Variants in ACTR3B observed in about 807,000 individuals in gnomAD.
ACTR3B encodes actin related protein 3B, also known as actin-related protein 3B.
In ACTR3B, 8 loss-of-function variants were observed where a neutral mutation model predicts 59.0. The ratio of observed to expected loss-of-function variants is 0.14; its 90% CI spans 0.08 to 0.24. ACTR3B has a LOEUF of 0.24. Ranked by LOEUF, ACTR3B falls within the 10% of genes least tolerant of loss-of-function variation. The probability of loss-of-function intolerance (pLI) is 1.00; values close to 1 mark genes in which losing one functional copy is unlikely to be tolerated. For synonymous variants in ACTR3B, 148 were observed against 197.9 expected (o/e 0.75, Z 2.12); for missense variants, 245 against 552.3 (o/e 0.44, Z 5.58).
At position 152,759,813 on chromosome 7, in the gene ACTR3B, G is replaced by C. The variant is rs555392108; in HGVS notation, c.-70G>C. ...GGGAGACGCTGCGCGCGGGGCTAGC[G>C]GGCGGCGGAGCGGACGGCGACGGGG... On this transcript the variant is annotated 5_prime_UTR_variant, in exon 1 of 12. Coordinates refer to ENST00000256001, the MANE Select transcript of ACTR3B (RefSeq NM_020445.6). 9.6e-6 allele frequency: 11 copies of C among 1,140,200 alleles called. No homozygotes were observed. The East Asian group carries it at 3.4e-4, about 35-fold the overall frequency. The allele number at this position is 1,140,200 out of a possible 1,614,324, so 70.6% of individuals were successfully genotyped here. A position where few individuals can be genotyped will look rare whatever the true frequency, so the allele number is the denominator to read the frequency against.
chr7:152,836,445 G>GCTGTGGTGGAACGCAC (rs1717684784), intron 9 of ACTR3B, among the ~76,000 whole-genome samples: 1 of 152,060 alleles, frequency 6.6e-6, no homozygotes, highest in African/African-American at 2.4e-5. Context: ...AAATTAGCCA[G>GCTGTGGTGGAACGCAC]CTGTGGTGGA....
intron 9 of ACTR3B, among the ~76,000 whole-genome samples, chr7:152,842,572 C>CT (rs34939441): frequency 0.52 from 79,476 of 151,690 alleles, 22,716 homozygotes; most frequent in East Asian, 0.71. Flanking sequence ...CGCGTGTTCT[C>CT]TGTTTCCGGC....
At chr7:152,848,814 C>T (rs998003074) in intron 9 of ACTR3B, among the ~76,000 whole-genome samples, 8 of 152,152 alleles carry the variant, frequency 5.3e-5, no homozygotes, top group African/African-American at 1.7e-4. Context: ...ACCCTGTTTA[C>T]GTGATTTCCA....
chr7:152,800,892 A>G (rs1212871978), intron 3 of ACTR3B, among the ~76,000 whole-genome samples: 1 of 152,292 alleles, frequency 6.6e-6, no homozygotes. Flanking sequence ...CAGGTCACAC[A>G]TGAAAGCAAG....
chr7:152,832,569 G>A (rs926753377), intron 9 of ACTR3B, among the ~76,000 whole-genome samples: 46 of 152,280 alleles, frequency 3.0e-4, no homozygotes, highest in African/African-American at 1.0e-3. Context: ...TTAAGAGATG[G>A]GGTCTTGCTG....
At chr7:152,814,885 A>G (rs879246332) in intron 5 of ACTR3B, among the ~76,000 whole-genome samples, 6 of 152,052 alleles carry the variant, frequency 3.9e-5, no homozygotes, top group African/African-American at 9.7e-5. Context: ...ATTAAAGTCT[A>G]ATGCATTTTT....
In ACTR3B at chr7:152,852,024, T is replaced by C; in HGVS notation, c.952-102T>C. ...CATCTTTCATAGGGCCGATGTGTCG[T>C]GCCCACAAGCGATTGGACCTGTGGG... is the stretch of plus-strand genomic sequence containing the variant. On this transcript the variant is annotated intron_variant, in intron 9 of 11. Coordinates refer to ENST00000256001, the MANE Select transcript of ACTR3B (RefSeq NM_020445.6). 2.7e-6 allele frequency: 4 copies of C among 1,485,878 alleles called. No homozygotes were observed. The South Asian group carries it at 4.7e-5, about 17-fold the overall frequency. 92.0% of individuals were successfully genotyped at this position (1,485,878 alleles called of 1,614,324 possible).
chr7:152,778,911 C>G lies in ACTR3B; in HGVS notation c.45-4276C>G, dbSNP rs1251734040. The stretch of plus-strand genomic sequence containing the variant: ...TGAGCCGTGATCACACCACTGTACT[C>G]CAGCCTGGGTGACAGAGTGAGACTG... On this transcript the variant is annotated intron_variant, in intron 1 of 11. Transcript: ENST00000256001. 2.6e-5 allele frequency among the ~76,000 whole-genome samples: 3 copies of G among 115,346 alleles called. No homozygotes were observed. The East Asian group carries it at 9.0e-4, about 35-fold the overall frequency. 75.7% of individuals were successfully genotyped at this position (115,346 alleles called of 152,430 possible). A position where few individuals can be genotyped will look rare whatever the true frequency, so the allele number is the denominator to read the frequency against.
At chr7:152,851,254 C>G in intron 9 of ACTR3B, among the ~76,000 whole-genome samples, 1 of 152,204 alleles carries the variant, frequency 6.6e-6, no homozygotes, top group East Asian at 1.9e-4. Flanking sequence ...TGTGGTCTCT[C>G]TCTGTCTGTC....
intron 9 of ACTR3B, among the ~76,000 whole-genome samples, chr7:152,835,666 A>G (rs1289560732): frequency 6.6e-6 from 1 of 152,160 alleles, no homozygotes; most frequent in Non-Finnish European, 1.5e-5. Flanking sequence ...AGTGGAATAA[A>G]TGCCGTCTTC....
intron 1 of ACTR3B, among the ~76,000 whole-genome samples, chr7:152,760,890 G>A (rs893929014): frequency 6.6e-6 from 1 of 152,036 alleles, no homozygotes; most frequent in African/African-American, 2.4e-5. Context: ...AAGTAAATTT[G>A]GTCTCTTAGC....
At chr7:152,829,044 G>GTATATATATATA (rs749504905) in intron 9 of ACTR3B, among the ~76,000 whole-genome samples, 11 of 143,836 alleles carry the variant, frequency 7.6e-5, no homozygotes, top group African/African-American at 3.1e-4. Flanking sequence ...GTGTGTGTGT[G>GTATATATATATA]TATATATATA....
intron 9 of ACTR3B, among the ~76,000 whole-genome samples, chr7:152,834,659 A>C (rs1026527647): frequency 1.3e-5 from 2 of 152,188 alleles, no homozygotes; most frequent in African/African-American, 2.4e-5. Context: ...TTTCGATACC[A>C]ACTCTTTTTT....
chr7:152,847,533 C>G (rs1395153019), intron 9 of ACTR3B, among the ~76,000 whole-genome samples: 4 of 152,226 alleles, frequency 2.6e-5, no homozygotes, highest in African/African-American at 4.8e-5. Flanking sequence ...ACCCCTGCCC[C>G]CTCCTGCCTG....
intron 4 of ACTR3B, among the ~76,000 whole-genome samples, chr7:152,810,093 T>G (rs894996088): frequency 6.6e-6 from 1 of 152,054 alleles, no homozygotes; most frequent in African/African-American, 2.4e-5. Context: ...CCCCATTATT[T>G]CCCCTCTCCC....
At chr7:152,818,111 G>A (rs184964705) in intron 6 of ACTR3B, among the ~76,000 whole-genome samples, 55 of 152,328 alleles carry the variant, frequency 3.6e-4, no homozygotes, top group African/African-American at 1.3e-3. Context: ...AGCACTCACG[G>A]AGAACTCAGG....
Position 152,836,422 on chromosome 7 carries a change from C to A in ACTR3B, c.951+11300C>A, listed in dbSNP as rs927642389. On this transcript the variant is annotated intron_variant, in intron 9 of 11. Coordinates refer to ENST00000256001, the MANE Select transcript of ACTR3B (RefSeq NM_020445.6). Reference sequence around the variant, plus strand: ...CCAGCCTGGGCAACACAGGGAGACCCCATCTATCAAAAAAATTAGCCAGCT... The same window carrying A: ...CCAGCCTGGGCAACACAGGGAGACCACATCTATCAAAAAAATTAGCCAGCT... 8.5e-5 allele frequency among the ~76,000 whole-genome samples: 13 copies of A among 152,114 alleles called. 1 individual carries two copies. Among genetic ancestry groups the A allele is most frequent in the Admixed American group, 5.9e-4 (9 of 15,278 alleles).
chr7:152,774,695 T>C (rs971372371), intron 1 of ACTR3B, among the ~76,000 whole-genome samples: 9 of 151,966 alleles, frequency 5.9e-5, no homozygotes, highest in Admixed American at 2.0e-4. Context: ...GAAGGAGAAA[T>C]AGAAAATTTA....
At chr7:152,818,513 C>T (rs1182286025) in intron 6 of ACTR3B, among the ~76,000 whole-genome samples, 10 of 152,084 alleles carry the variant, frequency 6.6e-5, no homozygotes, top group Non-Finnish European at 1.0e-4. Context: ...TGCAATGGCA[C>T]GATCTCGGCA....
Sources: allele counts gnomAD v4.1 joint callset (sites outside exome capture counted in the v4.1 genomes callset), GRCh38; gene constraint gnomAD v4.1.1; transcripts MANE v1.5; gene names NCBI Gene and HGNC (gene_info 2026-07-23, HGNC 2026-07-21).